Variants in ETFDH observed in about 807,000 individuals in gnomAD.
ETFDH encodes the protein electron transfer flavoprotein dehydrogenase.
A neutral mutation model predicts 73.2 loss-of-function variants in ETFDH; 61 were observed. The observed-to-expected ratio is 0.83, with a 90% CI of 0.68 to 1.03. The LOEUF is 1.03. Among genes scored for constraint, ETFDH ranks in the 50% least tolerant of loss-of-function variants. The pLI, the probability that ETFDH is intolerant of heterozygous loss-of-function variation, is 0.00. For synonymous variants in ETFDH, 243 were observed against 253.3 expected, an observed-to-expected ratio of 0.96 and a Z score of 0.39; for missense variants, 685 against 745.0, an observed-to-expected ratio of 0.92 and a Z score of 0.94.
chr4:158,708,773 A>G lies in ETFDH; in HGVS notation c.*246A>G. ...AGTTCTTCAGAGATTCAGTACCAAG[A>G]GCAAAATTCACTACTGGACTTTACA... On this transcript the variant is annotated 3_prime_UTR_variant, in exon 13 of 13. Transcript: ENST00000511912. 1 of 442,456 alleles carries G rather than the reference A, an allele frequency of 2.3e-6. No individual in the cohort carries two copies. 27.4% of individuals were successfully genotyped at this position (442,456 alleles called of 1,614,324 possible).
intron 1 of ETFDH, 90 bp downstream of exon 1, chr4:158,672,580 T>A: frequency 7.7e-7 from 1 of 1,295,028 alleles, no homozygotes; most frequent in Non-Finnish European, 1.1e-6. Flanking sequence ...CTCTCGCCCC[T>A]TCTCTCATCA....
intron 6 of ETFDH, 35 bp downstream of exon 6, chr4:158,690,460 C>A: frequency 1.7e-6 from 2 of 1,159,534 alleles, no homozygotes; most frequent in Non-Finnish European, 2.6e-6. Flanking sequence ...CTTAATAAAG[C>A]GACAAACAAC....
At position 158,706,280 on chromosome 4, in the gene ETFDH, C is replaced by T. The variant is rs1243627865; in HGVS notation, c.1377C>T (p.His459=). 7.4e-6 allele frequency: 12 copies of T among 1,611,182 alleles called. No homozygotes were observed. Among genetic ancestry groups the T allele is most frequent in the African/African-American group, 4.0e-5 (3 of 74,822 alleles). The change falls in exon 11 of 13, where the codon CAC becomes CAT. Residue 459 remains histidine, a synonymous_variant. Coordinates refer to ENST00000511912, the MANE Select transcript of ETFDH (RefSeq NM_004453.4). ...YSVRNIRPSC[H]GVLGVYGGMI... is the part of the protein sequence containing the mutation. ...TTAGAAATATAAGACCGTCCTGCCA[C>T]GGAGTACTGGGTGTATATGGAGGGA...
Position 158,706,236 on chromosome 4 carries a change from TG to T in ETFDH, c.1335del (p.Trp445Ter). On this transcript the variant is annotated frameshift_variant, in exon 11 of 13. Coordinates refer to ENST00000511912, the MANE Select transcript of ETFDH (RefSeq NM_004453.4). LOFTEE classifies it high-confidence loss of function. ...GGACAATTTGAAGAACTCATGGGTA[TG>T]GAAAGAGCTATATTCTGTTAGAAAT... ...YEDNLKNSWV[W>X]KELYSVRNIR... The T allele has an allele frequency of 1.9e-6, 3 of 1,612,546 alleles. No individual in the cohort carries two copies. The highest frequency in any genetic ancestry group is 2.5e-6 in the Non-Finnish European group (3 of 1,178,510).
At chr4:158,691,540 G>T (rs1479826583) in intron 6 of ETFDH, among the ~76,000 whole-genome samples, 1 of 151,966 alleles carries the variant, frequency 6.6e-6, no homozygotes, top group South Asian at 2.1e-4. Flanking sequence ...GGCCACGCTG[G>T]TCTTGAACTC....
At chr4:158,700,092 TA>T (rs1774417407) in intron 9 of ETFDH, among the ~76,000 whole-genome samples, 1 of 152,170 alleles carries the variant, frequency 6.6e-6, no homozygotes, top group Admixed American at 6.5e-5. Flanking sequence ...GATTTCTTTT[TA>T]AAAACTTATT....
chr4:158,708,669 G>A lies in ETFDH; in HGVS notation c.*142G>A. On this transcript the variant is annotated 3_prime_UTR_variant, in exon 13 of 13. Transcript: ENST00000511912. ...ATCAAATAAAAATTTTATACTATATGTAAGATTGTCCCATAAAGAAATTAC... is the reference window on the plus strand; with the variant it reads ...ATCAAATAAAAATTTTATACTATATATAAGATTGTCCCATAAAGAAATTAC... 1.4e-6 allele frequency: 1 copy of A among 705,642 alleles called. No homozygotes were observed. The highest frequency in any genetic ancestry group is 2.5e-6 in the Non-Finnish European group (1 of 405,922). 43.7% of individuals were successfully genotyped at this position (705,642 alleles called of 1,614,324 possible).
At chr4:158,692,886 AAAACAT>A (rs1328629959) in intron 6 of ETFDH, among the ~76,000 whole-genome samples, 1,212 of 88,128 alleles carry the variant, frequency 0.014, 14 homozygotes, top group African/African-American at 0.037. Flanking sequence ...TAAAAAAAAA[AAAACAT>A]ATATATATAT....
In ETFDH at chr4:158,703,609, A is replaced by G; in HGVS notation, c.1285+18A>G. 1.4e-6 allele frequency: 2 copies of G among 1,461,948 alleles called. No homozygotes were observed. The highest frequency in any genetic ancestry group is 1.7e-5 in the Admixed American group (1 of 59,838). 90.6% of individuals were successfully genotyped at this position (1,461,948 alleles called of 1,614,324 possible). On this transcript the variant is annotated intron_variant, in intron 10 of 12. Coordinates refer to ENST00000511912, the MANE Select transcript of ETFDH (RefSeq NM_004453.4). ...GACAATAGGTAAGAAATTCCTGTGT[A>G]AAGTATACAAAAGAAAATTGCTGGG...
intron 9 of ETFDH, chr4:158,700,576 A>ATG (rs1774435598): frequency 1.6e-5 from 1 of 64,174 alleles, no homozygotes; most frequent in Non-Finnish European, 3.8e-5. Flanking sequence ...ACACACGCAC[A>ATG]CACACACACA....
intron 5 of ETFDH, among the ~76,000 whole-genome samples, chr4:158,689,597 T>TC (rs1774102868): frequency 3.4e-5 from 1 of 29,120 alleles, no homozygotes; most frequent in Non-Finnish European, 6.4e-5. Flanking sequence ...AAAACCTTCA[T>TC]ATATATATAT....
chr4:158,672,477 G>T lies in ETFDH; in HGVS notation c.21G>T (p.Lys7Asn), dbSNP rs1232501551. The change falls in exon 1 of 13, where the codon AAG (lysine) becomes AAT (asparagine). Residue 7 changes from lysine (K) to asparagine (N), a missense_variant. Physicochemically the swap from Lys to Asn is moderately conservative, Grantham distance 94. Transcript: ENST00000511912. ...TGAACATGCTGGTGCCGCTAGCCAA[G>T]CTGTCCTGCCTGGGTGAGAGGAAAC... is the stretch of plus-strand genomic sequence containing the variant. MLVPLA[K>N]LSCLAYQCFH... 5 of 1,614,050 alleles carry T rather than the reference G, an allele frequency of 3.1e-6. No homozygotes were observed. The African/African-American group carries it at 6.7e-5, about 22-fold the overall frequency.
rs144205191 is a variant in ETFDH at position 158,706,381 on chromosome 4, A to G, written c.1468+10A>G. ...ACTCTGAAACATAAAGGTAATTCAA[A>G]CAAGAGTATGAGTGACATGATCATT... On this transcript the variant is annotated intron_variant, in intron 11 of 12. Transcript: ENST00000511912. 6.3e-7 allele frequency: 1 copy of G among 1,599,022 alleles called. No individual in the cohort carries two copies. Among genetic ancestry groups the G allele is most frequent in the South Asian group, 1.1e-5 (1 of 90,742 alleles).
In ETFDH at chr4:158,706,285, T is replaced by A. The variant is rs1005123626; in HGVS notation, c.1382T>A (p.Val461Glu). Residue 461 changes from valine (V) to glutamate (E), a missense_variant, in exon 11 of 13, where the codon GTA becomes GAA. Val to Glu is a moderately radical substitution (Grantham distance 121). This residue lies in a region of ETFDH where 201 missense variants were observed against 225.2 expected (regional missense o/e 0.89). Transcript: ENST00000511912. ...VRNIRPSCHG[V>E]LGVYGGMIYT... ...AATATAAGACCGTCCTGCCACGGAG[T>A]ACTGGGTGTATATGGAGGGATGATT... is the stretch of plus-strand genomic sequence containing the variant. The A allele has an allele frequency of 1.2e-6, 2 of 1,611,782 alleles. No individual in the cohort carries two copies. The highest frequency in any genetic ancestry group is 2.7e-5 in the African/African-American group (2 of 74,836).
Position 158,706,801 on chromosome 4 carries a change from T to G in ETFDH, c.1641T>G (p.Asn547Lys). 6.2e-7 allele frequency: 1 copy of G among 1,613,942 alleles called. No homozygotes were observed. Among genetic ancestry groups the G allele is most frequent in the Non-Finnish European group, 8.5e-7 (1 of 1,179,834 alleles). ...LTLRDDSIPVNRNLSIYDGPE... is the reference protein window; with the variant it reads ...LTLRDDSIPVKRNLSIYDGPE... ...TAAGGGATGACAGTATACCTGTAAA[T>G]AGAAATCTGTCGATATATGATGGGC... The change falls in exon 12 of 13, where the codon AAT (asparagine) becomes AAG (lysine). Residue 547 changes from asparagine (N) to lysine (K), a missense_variant. Asn to Lys is a moderately conservative substitution (Grantham distance 94). Transcript: ENST00000511912.
At chr4:158,690,870 C>A (rs1016553681) in intron 6 of ETFDH, among the ~76,000 whole-genome samples, 12 of 151,558 alleles carry the variant, frequency 7.9e-5, no homozygotes, top group African/African-American at 2.9e-4. Context: ...AGTCTTATAA[C>A]CTGGTCTCAA....
At chr4:158,692,260 C>T (rs1185620653) in intron 6 of ETFDH, among the ~76,000 whole-genome samples, 2 of 151,930 alleles carry the variant, frequency 1.3e-5, no homozygotes, top group Admixed American at 1.3e-4. Context: ...ATTAGCCGGG[C>T]GTAGTGGCGC....
chr4:158,695,742 A>AT (rs1278200283), intron 7 of ETFDH, 99 bp downstream of exon 7: 1 of 836,950 alleles, frequency 1.2e-6, no homozygotes. Flanking sequence ...TTTTAGTTAT[A>AT]TTTTTTCATT....
Position 158,680,492 on chromosome 4 carries a change from A to G in ETFDH, c.60A>G (p.Lys20=). The G allele has an allele frequency of 6.2e-7, 1 of 1,605,718 alleles. No homozygotes were observed. The highest frequency in any genetic ancestry group is 8.5e-7 in the Non-Finnish European group (1 of 1,172,482). Residue 20 remains lysine, a synonymous_variant, in exon 2 of 13, where the codon AAA becomes AAG. Coordinates refer to ENST00000511912, the MANE Select transcript of ETFDH (RefSeq NM_004453.4). ...CLAYQCFHAL[K]IKKNYLPLCA... is the part of the protein sequence containing the mutation. ...CATATCAGTGCTTTCATGCCTTAAA[A>G]ATTAAGAAAAATTATCTACCTCTAT...
Sources: allele counts gnomAD v4.1 joint callset (sites outside exome capture counted in the v4.1 genomes callset), GRCh38; gene constraint gnomAD v4.1.1; regional missense constraint gnomAD v4.1.1; transcripts MANE v1.5; gene names NCBI Gene and HGNC (gene_info 2026-07-23, HGNC 2026-07-21).